Variants in BBS4 observed in about 807,000 individuals in gnomAD.
BBS4 encodes BBSome complex member BBS4.
Under a neutral mutation model 71.4 loss-of-function variants are expected in BBS4, and 58 were observed. The ratio of observed to expected loss-of-function variants is 0.81; its 90% CI spans 0.66 to 1.01. The LOEUF (loss-of-function observed/expected upper bound fraction) is 1.01, where lower values mean the gene tolerates loss of function less well. Among genes scored for constraint, BBS4 ranks in the 50% least tolerant of loss-of-function variants. The pLI is 0.00. For synonymous variants in BBS4, 228 were observed against 216.8 expected, an observed-to-expected ratio of 1.05 and a Z score of -0.46; for missense variants, 660 against 607.9, an observed-to-expected ratio of 1.09 and a Z score of -0.90.
At chr15:72,721,281 G>GA (rs2065570969) in intron 6 of BBS4, among the ~76,000 whole-genome samples, 1 of 152,248 alleles carries the variant, frequency 6.6e-6, no homozygotes, top group East Asian at 1.9e-4. Context: ...GGTAGTTTAA[G>GA]AAAAAGGCCT....
intron 1 of BBS4, among the ~76,000 whole-genome samples, chr15:72,691,491 A>G (rs960980778): frequency 2.6e-5 from 4 of 152,044 alleles, no homozygotes; most frequent in African/African-American, 7.2e-5. Flanking sequence ...TGTACTTTTT[A>G]TAGTTTTACC....
intron 2 of BBS4, among the ~76,000 whole-genome samples, chr15:72,701,908 G>A (rs923894067): frequency 2.6e-5 from 4 of 151,980 alleles, no homozygotes; most frequent in Non-Finnish European, 4.4e-5. Flanking sequence ...TGCGATTTCC[G>A]CTCACCACAA....
At chr15:72,706,600 G>A (rs2065268496) in intron 2 of BBS4, among the ~76,000 whole-genome samples, 2 of 152,168 alleles carry the variant, frequency 1.3e-5, no homozygotes, top group African/African-American at 4.8e-5. Flanking sequence ...GGGAAGAAAA[G>A]AAAGGAAACA....
chr15:72,693,590 C>A (rs1177373113), intron 1 of BBS4, among the ~76,000 whole-genome samples: 1 of 152,152 alleles, frequency 6.6e-6, no homozygotes, highest in Non-Finnish European at 1.5e-5. Context: ...TATGTTCTCA[C>A]AAATTTTGTT....
intron 2 of BBS4, among the ~76,000 whole-genome samples, chr15:72,699,724 A>G (rs2151002979): frequency 6.6e-6 from 1 of 152,344 alleles, no homozygotes; most frequent in African/African-American, 2.4e-5. Flanking sequence ...AACTTCACAC[A>G]AAGGGAGCCA....
intron 2 of BBS4, among the ~76,000 whole-genome samples, chr15:72,707,912 T>G (rs1247542710): frequency 3.3e-5 from 5 of 152,232 alleles, no homozygotes; most frequent in Non-Finnish European, 7.3e-5. Flanking sequence ...TTTGAGCTAT[T>G]TCTAAAGATT....
At chr15:72,736,506 G>C (rs1346865975) in intron 14 of BBS4, among the ~76,000 whole-genome samples, 1 of 152,060 alleles carries the variant, frequency 6.6e-6, no homozygotes, top group Non-Finnish European at 1.5e-5. Flanking sequence ...TATTTCACTT[G>C]TTGTAGGAAA....
intron 2 of BBS4, among the ~76,000 whole-genome samples, chr15:72,698,257 A>G (rs938967101): frequency 6.6e-6 from 1 of 152,172 alleles, no homozygotes; most frequent in Non-Finnish European, 1.5e-5. Flanking sequence ...TATAAAATTT[A>G]CCATTTTTAA....
rs139834553 is a variant in BBS4 at position 72,688,474 on chromosome 15, C to T, written c.24+2223C>T. On this transcript the variant is annotated intron_variant, in intron 1 of 15. Coordinates refer to ENST00000268057, the MANE Select transcript of BBS4 (RefSeq NM_033028.5). ...TGTCGCCCTGTCTGGAGTGCAGTGG[C>T]GTGATCTCAGCTCAGTGGAACCTCT... Among the ~76,000 whole-genome samples the T allele has an allele frequency of 5.7e-4, 70 of 122,370 alleles. No individual in the cohort carries two copies. In the East Asian group the frequency reaches 0.016, roughly 28 times the overall value. 80.3% of individuals were successfully genotyped at this position (122,370 alleles called of 152,430 possible).
intron 12 of BBS4, among the ~76,000 whole-genome samples, chr15:72,732,248 C>G (rs2065839690): frequency 6.6e-6 from 1 of 152,102 alleles, no homozygotes; most frequent in Non-Finnish European, 1.5e-5. Flanking sequence ...TAATTGGCCC[C>G]TAGGTGATAC....
At position 72,699,871 on chromosome 15, in the gene BBS4, C is replaced by T. The variant is rs578144768; in HGVS notation, c.76+4643C>T. On this transcript the variant is annotated intron_variant, in intron 2 of 15. Coordinates refer to ENST00000268057, the MANE Select transcript of BBS4 (RefSeq NM_033028.5). Reference sequence around the variant, plus strand: ...GTATTCAGTTGCATGAATATACCACCGTTTGTCCATTCTCCTGTTAATGAG... The same window carrying T: ...GTATTCAGTTGCATGAATATACCACTGTTTGTCCATTCTCCTGTTAATGAG... Among the ~76,000 whole-genome samples, 10 of 152,240 alleles carry T rather than the reference C, an allele frequency of 6.6e-5. No homozygotes were observed. The South Asian group carries it at 1.0e-3, about 16-fold the overall frequency.
chr15:72,700,990 G>A (rs1341013736), intron 2 of BBS4, among the ~76,000 whole-genome samples: 3 of 152,016 alleles, frequency 2.0e-5, no homozygotes, highest in Non-Finnish European at 4.4e-5. Flanking sequence ...ATACAGAAAA[G>A]TACATACATA....
Position 72,737,538 on chromosome 15 carries a change from C to T in BBS4, c.1511C>T (p.Ala504Val), listed in dbSNP as rs150706579. ...PPSLPLEPEP[A>V]VESSPTETSE... ...TCTCTTCCTCTGGAGCCAGAGCCTG[C>T]GGTGGAATCAAGTCCAACTGAAACA... is the stretch of plus-strand genomic sequence containing the variant. The change falls in exon 16 of 16, where the codon GCG becomes GTG. Residue 504 changes from alanine (A) to valine (V), a missense_variant. Physicochemically the swap from Ala to Val is moderately conservative, Grantham distance 64 (BLOSUM62 0). Transcript: ENST00000268057. 1.3e-4 allele frequency: 217 copies of T among 1,612,580 alleles called. No homozygotes were observed. The highest frequency in any genetic ancestry group is 8.4e-4 in the Admixed American group (50 of 59,800).
At chr15:72,699,744 T>C (rs998294895) in intron 2 of BBS4, among the ~76,000 whole-genome samples, 2 of 152,246 alleles carry the variant, frequency 1.3e-5, no homozygotes, top group Non-Finnish European at 2.9e-5. Context: ...ATACAGTATC[T>C]ACTATTTAGC....
chr15:72,731,558 A>G lies in BBS4; in HGVS notation c.868A>G (p.Ile290Val). The change falls in exon 12 of 16, where the codon ATC (isoleucine) becomes GTC (valine). Residue 290 changes from isoleucine to valine, a missense_variant. Physicochemically the swap from Ile to Val is conservative, Grantham distance 29. Transcript: ENST00000268057. ...FFGKKKYVAA[I>V]SCLKRANYLA... is the part of the protein sequence containing the mutation. ...GAGTGCCCCTTCTCTCTCATAGGCC[A>G]TCAGCTGCCTGAAACGAGCCAACTA... The G allele has an allele frequency of 3.7e-6, 6 of 1,614,186 alleles. No individual in the cohort carries two copies. The highest frequency in any genetic ancestry group is 5.1e-6 in the Non-Finnish European group (6 of 1,180,036).
At chr15:72,688,979 TCTC>T (rs2064931438) in intron 1 of BBS4, among the ~76,000 whole-genome samples, 1 of 152,050 alleles carries the variant, frequency 6.6e-6, no homozygotes, top group African/African-American at 2.4e-5. Flanking sequence ...AGAAAGCTGT[TCTC>T]CTTTCTTTCT....
chr15:72,695,044 C>CT, intron 1 of BBS4, 133 bp from the exon 2 acceptor site: 1 of 657,140 alleles, frequency 1.5e-6, no homozygotes, highest in Non-Finnish European at 2.7e-6. Context: ...TAAAGTAACT[C>CT]TATCACAATA....
At chr15:72,718,173 C>T (rs1040052740) in intron 6 of BBS4, among the ~76,000 whole-genome samples, 2 of 152,154 alleles carry the variant, frequency 1.3e-5, no homozygotes, top group African/African-American at 4.8e-5. Flanking sequence ...ATTATATGTT[C>T]AGGACATGTA....
At position 72,738,440 on chromosome 15, in the gene BBS4, A is replaced by G. The variant is rs184131621; in HGVS notation, c.*853A>G. 2.7e-6 allele frequency: 1 copy of G among 373,990 alleles called. No individual in the cohort carries two copies. Among genetic ancestry groups the G allele is most frequent in the Non-Finnish European group, 5.2e-6 (1 of 193,152 alleles). The allele number at this position is 373,990 out of a possible 1,614,324, so 23.2% of individuals were successfully genotyped here. On this transcript the variant is annotated 3_prime_UTR_variant, in exon 16 of 16. Transcript: ENST00000268057. ...GGAAAATTGTTATTCAGGTATAAAA[A>G]CAAGAGATCATAATAAAAACCTAAA... is the stretch of plus-strand genomic sequence containing the variant.
Sources: gnomAD v4.1 joint callset for allele counts (sites outside exome capture counted in the v4.1 genomes callset) on GRCh38, gnomAD v4.1.1 for gene constraint, MANE v1.5 for transcripts, NCBI Gene and HGNC (gene_info 2026-07-23, HGNC 2026-07-21) for gene names.